Variants in LRRC37A2 observed in about 807,000 individuals in gnomAD.
The protein encoded by LRRC37A2 is leucine rich repeat containing 37 member A2.
LRRC37A2 carries 9 observed loss-of-function variants against 68.8 expected under a neutral mutation model. That is an observed-to-expected ratio of 0.13 (90% CI 0.08 to 0.23). LRRC37A2 has a LOEUF of 0.23. Ranked by LOEUF, LRRC37A2 falls within the 10% of genes least tolerant of loss-of-function variation. LRRC37A2 has a pLI of 1.00. For missense variants in LRRC37A2, 168 were observed against 950.4 expected (o/e 0.18, Z 10.82); for synonymous variants, 63 against 367.6 (o/e 0.17, Z 9.48).
At chr17:46,778,981 A>G in the LRRC37A2 span, among the ~76,000 whole-genome samples, 1 of 150,996 alleles carries the variant, frequency 6.6e-6, no homozygotes, top group African/African-American at 2.4e-5. Flanking sequence ...CCATCTGGCT[A>G]TGCCAGTCTC....
At chr17:46,836,402 G>GATGGTTCTTC in the LRRC37A2 span, among the ~76,000 whole-genome samples, 2 of 152,172 alleles carry the variant, frequency 1.3e-5, no homozygotes, top group African/African-American at 4.8e-5. Flanking sequence ...GGAAAGTGGA[G>GATGGTTCTTC]ATGGTTCTTC....
the LRRC37A2 span, among the ~76,000 whole-genome samples, chr17:46,951,017 C>G: frequency 1.3e-5 from 2 of 152,200 alleles, no homozygotes; most frequent in Non-Finnish European, 2.9e-5. Flanking sequence ...TGGCCCTCGC[C>G]CCAACTACAC....
the LRRC37A2 span, among the ~76,000 whole-genome samples, chr17:46,997,017 TCC>T: frequency 6.6e-6 from 1 of 152,176 alleles, no homozygotes; most frequent in Non-Finnish European, 1.5e-5. Context: ...TTAGAAGTAA[TCC>T]AGCTAATAAA....
chr17:46,516,208 C>A (rs1329245470), intron 2 of LRRC37A2, among the ~76,000 whole-genome samples: 1 of 145,708 alleles, frequency 6.9e-6, no homozygotes, highest in East Asian at 2.0e-4. Context: ...GAGGCTGAGG[C>A]AGGAGAATGG....
the LRRC37A2 span, among the ~76,000 whole-genome samples, chr17:47,038,308 G>C: frequency 3.3e-5 from 5 of 152,010 alleles, no homozygotes; most frequent in African/African-American, 9.7e-5. Flanking sequence ...CTTGAAAAAT[G>C]AACAGTAAAA....
the LRRC37A2 span, chr17:46,693,942 T>C: frequency 3.6e-6 from 1 of 278,772 alleles, no homozygotes; most frequent in Non-Finnish European, 5.4e-6. Context: ...CTGTCACTGA[T>C]TGGGTGTGTG....
the LRRC37A2 span, among the ~76,000 whole-genome samples, chr17:46,821,673 G>A: frequency 6.6e-6 from 1 of 152,242 alleles, no homozygotes; most frequent in Non-Finnish European, 1.5e-5. Flanking sequence ...GGGACCTGGG[G>A]ACATGGGGTG....
the LRRC37A2 span, among the ~76,000 whole-genome samples, chr17:46,873,795 G>A: frequency 6.6e-6 from 1 of 150,966 alleles, no homozygotes; most frequent in Non-Finnish European, 1.5e-5. Context: ...TTTGTAACCA[G>A]CGTGGTCAAA....
chr17:46,921,367 A>G, the LRRC37A2 span: 3 of 152,236 alleles, frequency 2.0e-5, no homozygotes, highest in African/African-American at 7.2e-5. Flanking sequence ...TAGACCTAAA[A>G]CCATAAAAAC....
chr17:46,896,423 A>AAAGG, the LRRC37A2 span, among the ~76,000 whole-genome samples: 1 of 85,116 alleles, frequency 1.2e-5, no homozygotes, highest in Non-Finnish European at 2.1e-5. Context: ...AGAAAGAAAG[A>AAAGG]AAGAAAGAAA....
At chr17:46,838,500 G>A in the LRRC37A2 span, among the ~76,000 whole-genome samples, 1 of 151,796 alleles carries the variant, frequency 6.6e-6, no homozygotes, top group Non-Finnish European at 1.5e-5. Flanking sequence ...GGTGGTATTC[G>A]CCCATAATCC....
chr17:46,939,367 CAAGT>C, the LRRC37A2 span: 2 of 1,001,706 alleles, frequency 2.0e-6, no homozygotes, highest in African/African-American at 1.7e-5. Context: ...TTGCCGATAA[CAAGT>C]AAGATTTTCC....
At chr17:46,545,826 A>G (rs1226861343) in intron 8 of LRRC37A2, among the ~76,000 whole-genome samples, 2 of 150,060 alleles carry the variant, frequency 1.3e-5, no homozygotes, top group Admixed American at 1.3e-4. Flanking sequence ...AATCCAGGTT[A>G]AACTAAGCTA....
chr17:46,779,551 G>A, the LRRC37A2 span, among the ~76,000 whole-genome samples: 1 of 152,194 alleles, frequency 6.6e-6, no homozygotes, highest in Non-Finnish European at 1.5e-5. Context: ...ATGGGCTGCG[G>A]GTGCCCTGCA....
At chr17:46,846,721 G>C in the LRRC37A2 span, among the ~76,000 whole-genome samples, 1 of 152,234 alleles carries the variant, frequency 6.6e-6, no homozygotes, top group South Asian at 2.1e-4. Context: ...GAATAGGCAA[G>C]GGGCAAGAGA....
chr17:46,767,527 C>G, the LRRC37A2 span, among the ~76,000 whole-genome samples: 2 of 152,138 alleles, frequency 1.3e-5, no homozygotes, highest in African/African-American at 4.8e-5. Context: ...ATTTAAACTG[C>G]CCCCTGCCCT....
chr17:46,854,469 C>G, the LRRC37A2 span, among the ~76,000 whole-genome samples: 2 of 152,134 alleles, frequency 1.3e-5, no homozygotes, highest in East Asian at 3.9e-4. Context: ...GGAAGTGACC[C>G]CAGAAGGATC....
At chr17:46,703,695 A>AC in the LRRC37A2 span, among the ~76,000 whole-genome samples, 1 of 151,404 alleles carries the variant, frequency 6.6e-6, no homozygotes, top group African/African-American at 2.4e-5. Flanking sequence ...AAAAAAAAAA[A>AC]AAAAAAAAAC....
the LRRC37A2 span, among the ~76,000 whole-genome samples, chr17:46,774,940 GC>G: frequency 6.6e-6 from 1 of 152,146 alleles, no homozygotes; most frequent in African/African-American, 2.4e-5. Context: ...GGAAGAAGGG[GC>G]CCATCTCCTC....
Sources: gnomAD v4.1 joint callset for allele counts (sites outside exome capture counted in the v4.1 genomes callset) on GRCh38, gnomAD v4.1.1 for gene constraint, MANE v1.5 for transcripts, NCBI Gene and HGNC (gene_info 2026-07-23, HGNC 2026-07-21) for gene names.